Variants in ADAM9 observed in about 807,000 individuals in gnomAD.
ADAM9 encodes disintegrin and metalloproteinase domain-containing protein 9.
ADAM9 carries 54 observed loss-of-function variants against 108.1 expected under a neutral mutation model. That is an observed-to-expected ratio of 0.50 (90% CI 0.40 to 0.63). The LOEUF (loss-of-function observed/expected upper bound fraction) is 0.63. ADAM9 is among the 20% of genes least tolerant of loss of function. The pLI, the probability that ADAM9 is intolerant of heterozygous loss-of-function variation, is 0.00. For synonymous variants in ADAM9, 316 were observed against 336.0 expected (o/e 0.94, Z 0.65); for missense variants, 830 against 997.7 (o/e 0.83, Z 2.26).
At position 39,007,900 on chromosome 8, in the gene ADAM9, T is replaced by C; in HGVS notation, c.112T>C (p.Ser38Pro). Residue 38 changes from serine (S) to proline (P), a missense_variant, in exon 2 of 22, where the codon TCA becomes CCA. Physicochemically the swap from Ser to Pro is moderately conservative, Grantham distance 74. Transcript: ENST00000487273. ...CTTTTCTGTAGGCTTTCAACAGACC[T>C]CACATCTTTCTTCTTATGAAATTAT... ...GAARPGFQQT[S>P]HLSSYEIITP... 3.1e-6 allele frequency: 5 copies of C among 1,611,616 alleles called. No homozygotes were observed. Among genetic ancestry groups the C allele is most frequent in the Admixed American group, 3.3e-5 (2 of 60,016 alleles).
intron 1 of ADAM9, among the ~76,000 whole-genome samples, chr8:39,002,928 C>T (rs1836049807): frequency 6.6e-6 from 1 of 151,982 alleles, no homozygotes; most frequent in South Asian, 2.1e-4. Flanking sequence ...ACCTCCCCCT[C>T]CTGGGCTAAA....
intron 7 of ADAM9, among the ~76,000 whole-genome samples, chr8:39,021,306 G>C (rs1463498923): frequency 6.6e-6 from 1 of 151,782 alleles, no homozygotes; most frequent in Non-Finnish European, 1.5e-5. Flanking sequence ...TTTTTGAGAT[G>C]GAGTTTTGCT....
At position 39,057,409 on chromosome 8, in the gene ADAM9, A is replaced by G. The variant is rs892002742; in HGVS notation, c.1591+1637A>G. ...CTTATATATGTATTACATGAAAATC[A>G]AATATATTCTCCTGGAGGAATCTGA... On this transcript the variant is annotated intron_variant, in intron 14 of 21. Transcript: ENST00000487273. 1.3e-5 allele frequency among the ~76,000 whole-genome samples: 2 copies of G among 150,580 alleles called. 1 individual carries two copies. The highest frequency in any genetic ancestry group is 1.3e-4 in the Admixed American group (2 of 15,066).
intron 20 of ADAM9, among the ~76,000 whole-genome samples, chr8:39,095,657 G>T (rs1588434572): frequency 6.6e-6 from 1 of 152,246 alleles, no homozygotes; most frequent in East Asian, 1.9e-4. Flanking sequence ...AGTCTAGTTT[G>T]AGCCAAATGT....
At chr8:39,042,931 G>A (rs1016148740) in intron 12 of ADAM9, among the ~76,000 whole-genome samples, 1 of 152,044 alleles carries the variant, frequency 6.6e-6, no homozygotes, top group African/African-American at 2.4e-5. Context: ...CATTCCACAA[G>A]CCCCTGACCA....
intron 15 of ADAM9, among the ~76,000 whole-genome samples, chr8:39,074,893 A>AAAC (rs1371943621): frequency 6.7e-6 from 1 of 148,876 alleles, no homozygotes; most frequent in African/African-American, 2.5e-5. Flanking sequence ...TCAGAAGTTA[A>AAAC]GCCCAAAATC....
intron 12 of ADAM9, among the ~76,000 whole-genome samples, chr8:39,049,006 T>G (rs1399287937): frequency 1.3e-5 from 2 of 151,408 alleles, no homozygotes; most frequent in Non-Finnish European, 3.0e-5. Flanking sequence ...TAGTTTTTTT[T>G]TTTTTTTTTT....
At chr8:39,036,858 G>A (rs1837292488) in intron 11 of ADAM9, among the ~76,000 whole-genome samples, 1 of 151,430 alleles carries the variant, frequency 6.6e-6, no homozygotes, top group African/African-American at 2.4e-5. Context: ...GTCAATTCAT[G>A]TGGGTGAATT....
chr8:39,045,375 TACACCTATAG>T (rs1837691845), intron 12 of ADAM9, among the ~76,000 whole-genome samples: 7 of 17,330 alleles, frequency 4.0e-4, no homozygotes, highest in South Asian at 1.2e-3. Context: ...TGTGTGTACA[TACACCTATAG>T]GTGTGTGTAC....
rs778269216 is a variant in ADAM9, at chr8:39,026,791, A to G, written c.1111A>G (p.Ile371Val). The G allele has an allele frequency of 3.7e-6, 6 of 1,611,190 alleles. No homozygotes were observed. Among genetic ancestry groups the G allele is most frequent in the Non-Finnish European group, 5.1e-6 (6 of 1,179,606 alleles). ...RDCSCGAKSC[I>V]MNSGASGSRN... ...TTGTTCCTGTGGAGCAAAGAGCTGC[A>G]TCATGAATTCAGGAGCATCGTGAGT... is the stretch of plus-strand genomic sequence containing the variant. Residue 371 changes from isoleucine to valine, a missense_variant, in exon 11 of 22, where the codon ATC (isoleucine) becomes GTC (valine). Physicochemically the swap from Ile to Val is conservative, Grantham distance 29. Transcript: ENST00000487273.
At chr8:39,069,487 ATATT>A (rs1289671202) in intron 14 of ADAM9, among the ~76,000 whole-genome samples, 1 of 152,220 alleles carries the variant, frequency 6.6e-6, no homozygotes, top group Non-Finnish European at 1.5e-5. Context: ...CACCAAATAA[ATATT>A]TATCAAATAA....
chr8:39,000,599 C>CT (rs370472344), intron 1 of ADAM9, among the ~76,000 whole-genome samples: 64 of 151,990 alleles, frequency 4.2e-4, no homozygotes, highest in African/African-American at 1.4e-3. Context: ...GTAGCTGGGA[C>CT]TGCAGGGGTG....
At chr8:39,058,212 A>G (rs969201791) in intron 14 of ADAM9, among the ~76,000 whole-genome samples, 9 of 152,206 alleles carry the variant, frequency 5.9e-5, no homozygotes, top group Non-Finnish European at 1.0e-4. Flanking sequence ...GAATGAGAAC[A>G]TATTTGCTCA....
At chr8:39,020,146 G>C (rs1374625902) in intron 7 of ADAM9, among the ~76,000 whole-genome samples, 1 of 152,160 alleles carries the variant, frequency 6.6e-6, no homozygotes, top group Admixed American at 6.5e-5. Flanking sequence ...TTAGCCGGGC[G>C]TGGTGGCGGG....
At chr8:39,100,638 C>G (rs929547902) in intron 20 of ADAM9, among the ~76,000 whole-genome samples, 1 of 152,102 alleles carries the variant, frequency 6.6e-6, no homozygotes, top group Non-Finnish European at 1.5e-5. Flanking sequence ...GCATTTTTCA[C>G]CCATTTTCAC....
At chr8:39,028,551 G>C (rs1431352781) in intron 11 of ADAM9, among the ~76,000 whole-genome samples, 1 of 152,210 alleles carries the variant, frequency 6.6e-6, no homozygotes, top group African/African-American at 2.4e-5. Context: ...GAAGCATTCA[G>C]AGGTAAGGAG....
rs771314987 is a variant in ADAM9, at chr8:39,055,723, C to T, written c.1542C>T (p.Asn514=). ...AGAATAACAAAGCCTATTGCTACAA[C>T]GGCATGTGCCAGTATTATGATGCTC... ...PCQNNKAYCY[N]GMCQYYDAQC... is the part of the protein sequence containing the mutation. Residue 514 remains asparagine (N), a synonymous_variant, in exon 14 of 22, where the codon AAC becomes AAT. Transcript: ENST00000487273. The T allele has an allele frequency of 5.5e-5, 88 of 1,613,518 alleles. No individual in the cohort carries two copies. In the South Asian group the frequency reaches 6.9e-4, roughly 13 times the overall value.
In ADAM9 at chr8:39,026,717, C is replaced by G. The variant is rs1836934970; in HGVS notation, c.1037C>G (p.Ala346Gly). 6.2e-7 allele frequency: 1 copy of G among 1,614,028 alleles called. No individual in the cohort carries two copies. The highest frequency in any genetic ancestry group is 1.3e-5 in the African/African-American group (1 of 74,908). The change falls in exon 11 of 22, where the codon GCT (alanine) becomes GGT (glycine). Residue 346 changes from alanine to glycine, a missense_variant. Around this residue, in one of 3 missense-constraint regions of ADAM9, gnomAD observed 381 missense variants for 539.8 expected, o/e 0.71. Transcript: ENST00000487273. ...ITVETFASIVAHELGHNLGMN... is the reference protein window; with the variant it reads ...ITVETFASIVGHELGHNLGMN... Reference sequence around the variant, plus strand: ...GTGGAGACATTTGCTTCCATTGTTGCTCATGAATTGGGTCATAATCTTGGA... The same window carrying G: ...GTGGAGACATTTGCTTCCATTGTTGGTCATGAATTGGGTCATAATCTTGGA...
chr8:39,026,658 A>G lies in ADAM9; in HGVS notation c.997-19A>G, dbSNP rs1317380317. 7 of 1,614,018 alleles carry G rather than the reference A, an allele frequency of 4.3e-6. No individual in the cohort carries two copies. The South Asian group carries it at 4.4e-5, about 10-fold the overall frequency. ...CTTTGCGTTCAGAAACCTAATTACT[A>G]CCTTCCTGTTCTGAACAGTTTGGAC... On this transcript the variant is annotated intron_variant, in intron 10 of 21. Transcript: ENST00000487273.
Sources: gnomAD v4.1 joint callset for allele counts (sites outside exome capture counted in the v4.1 genomes callset) on GRCh38, gnomAD v4.1.1 for gene constraint, gnomAD v4.1.1 regional missense constraint, MANE v1.5 for transcripts, NCBI Gene and HGNC (gene_info 2026-07-23, HGNC 2026-07-21) for gene names.